The following CLEC16A variants were observed in gnomAD, a reference collection of about 807,000 sequenced individuals.
CLEC16A encodes protein CLEC16A.
In CLEC16A, 51 loss-of-function variants were observed where a neutral mutation model predicts 109.5. The observed-to-expected ratio is 0.47, with a 90% CI of 0.37 to 0.59. The LOEUF (loss-of-function observed/expected upper bound fraction) is 0.59, where lower values mean the gene tolerates loss of function less well. CLEC16A is among the 20% of genes least tolerant of loss of function. The probability of loss-of-function intolerance (pLI) is 0.00; values close to 1 mark genes in which losing one functional copy is unlikely to be tolerated. For synonymous variants in CLEC16A, 673 were observed against 564.2 expected, an observed-to-expected ratio of 1.19 and a Z score of -2.73; for missense variants, 1,339 against 1,394.0, an observed-to-expected ratio of 0.96 and a Z score of 0.63.
At chr16:11,107,827 G>A (rs550455777) in intron 19 of CLEC16A, among the ~76,000 whole-genome samples, 3 of 152,358 alleles carry the variant, frequency 2.0e-5, no homozygotes, top group South Asian at 4.1e-4. Flanking sequence ...TCAGTTTTCA[G>A]TGGATTCTGA....
At chr16:11,042,086 G>T in intron 14 of CLEC16A, 168 bp from the exon 15 acceptor site, 1 of 575,880 alleles carries the variant, frequency 1.7e-6, no homozygotes, top group Non-Finnish European at 3.1e-6. Context: ...AACTGATGGG[G>T]AATGGTTTGG....
intron 19 of CLEC16A, among the ~76,000 whole-genome samples, chr16:11,087,921 C>T (rs1371332464): frequency 6.6e-6 from 1 of 152,232 alleles, no homozygotes; most frequent in Non-Finnish European, 1.5e-5. Flanking sequence ...CAGAGCTCCC[C>T]CGCTGTGCAG....
intron 19 of CLEC16A, among the ~76,000 whole-genome samples, chr16:11,091,674 C>G (rs141989957): frequency 5.9e-5 from 9 of 152,274 alleles, no homozygotes; most frequent in Non-Finnish European, 1.3e-4. Context: ...TAACCTGAGC[C>G]TCAGGTTTCC....
intron 12 of CLEC16A, among the ~76,000 whole-genome samples, chr16:11,023,906 G>A (rs946028997): frequency 5.3e-5 from 8 of 152,234 alleles, no homozygotes; most frequent in African/African-American, 1.7e-4. Flanking sequence ...GGCCAGACCT[G>A]TGCATATTCT....
At chr16:11,124,086 C>T (rs753557273) in intron 21 of CLEC16A, 140 bp downstream of exon 21, 48 of 814,852 alleles carry the variant, frequency 5.9e-5, no homozygotes, top group Middle Eastern at 3.7e-4. Flanking sequence ...TATACGAATA[C>T]GAGGAAGTTC....
At chr16:11,030,519 A>T (rs2046679462) in intron 13 of CLEC16A, among the ~76,000 whole-genome samples, 1 of 152,212 alleles carries the variant, frequency 6.6e-6, no homozygotes, top group African/African-American at 2.4e-5. Context: ...AATGACATTG[A>T]ACATCTTTTC....
chr16:11,176,893 C>G (rs1036748665), intron 23 of CLEC16A, among the ~76,000 whole-genome samples: 3 of 152,232 alleles, frequency 2.0e-5, no homozygotes, highest in Non-Finnish European at 4.4e-5. Context: ...TCTTCCCTTT[C>G]TATATGCTGC....
chr16:11,160,310 C>G (rs1375649906), intron 22 of CLEC16A, among the ~76,000 whole-genome samples: 1 of 152,160 alleles, frequency 6.6e-6, no homozygotes, highest in African/African-American at 2.4e-5. Flanking sequence ...AAGCCCTTCC[C>G]ACCCTTTAGT....
At chr16:11,145,041 A>G (rs1029989616) in intron 22 of CLEC16A, among the ~76,000 whole-genome samples, 1 of 152,094 alleles carries the variant, frequency 6.6e-6, no homozygotes, top group African/African-American at 2.4e-5. Context: ...GGCAGGGGGA[A>G]TGAGCGGGCT....
chr16:11,109,918 G>T (rs1479566410), intron 19 of CLEC16A, among the ~76,000 whole-genome samples: 1 of 152,230 alleles, frequency 6.6e-6, no homozygotes, highest in Non-Finnish European at 1.5e-5. Flanking sequence ...AATTCTGCTG[G>T]CCTGGATATC....
chr16:11,155,787 C>G (rs2054488939), intron 22 of CLEC16A, among the ~76,000 whole-genome samples: 1 of 152,178 alleles, frequency 6.6e-6, no homozygotes, highest in African/African-American at 2.4e-5. Flanking sequence ...AGTTAACTAC[C>G]CCACCCTGCA....
chr16:11,128,479 G>A (rs2052982118), intron 22 of CLEC16A, among the ~76,000 whole-genome samples: 1 of 152,222 alleles, frequency 6.6e-6, no homozygotes, highest in Admixed American at 6.5e-5. Context: ...CAAGTCAGAG[G>A]TGGCTGCTGA....
intron 22 of CLEC16A, among the ~76,000 whole-genome samples, chr16:11,166,043 A>G (rs1255952687): frequency 6.6e-6 from 1 of 152,162 alleles, no homozygotes; most frequent in Non-Finnish European, 1.5e-5. Flanking sequence ...GGCATCTAGC[A>G]TCCCTGGGTG....
intron 3 of CLEC16A, 128 bp from the exon 4 acceptor site, chr16:10,969,033 T>C (rs2042651668): frequency 3.0e-6 from 2 of 667,472 alleles, no homozygotes; most frequent in Non-Finnish European, 4.9e-6. Flanking sequence ...TCTTCCCAGT[T>C]AGTGTGTTTA....
chr16:11,122,325 G>A (rs1036267048), intron 20 of CLEC16A, among the ~76,000 whole-genome samples: 6 of 152,214 alleles, frequency 3.9e-5, no homozygotes, highest in African/African-American at 1.4e-4. Flanking sequence ...AACACTCCAT[G>A]TAAGACATTA....
chr16:11,049,977 G>A (rs1460140386), intron 17 of CLEC16A, among the ~76,000 whole-genome samples: 1 of 152,216 alleles, frequency 6.6e-6, no homozygotes, highest in Non-Finnish European at 1.5e-5. Flanking sequence ...TTGGCCCTCT[G>A]GCCCATTCAC....
rs1016889778 is a variant in CLEC16A at position 11,111,310 on chromosome 16, G to A, written c.2117-9305G>A. ...TCTGCTCCACATGGCATCAGCTGGC[G>A]TGTATAGACTGGGAGCTGGCTGTGG... On this transcript the variant is annotated intron_variant, in intron 19 of 23. Coordinates refer to ENST00000409790, the MANE Select transcript of CLEC16A (RefSeq NM_015226.3). 8.5e-5 allele frequency among the ~76,000 whole-genome samples: 13 copies of A among 152,280 alleles called. No individual in the cohort carries two copies. In the South Asian group the frequency reaches 1.2e-3, roughly 15 times the overall value.
intron 18 of CLEC16A, among the ~76,000 whole-genome samples, chr16:11,053,043 A>C (rs564641935): frequency 6.6e-6 from 1 of 152,008 alleles, no homozygotes; most frequent in African/African-American, 2.4e-5. Context: ...GGCACAAGCT[A>C]CCACACCTAG....
chr16:10,966,161 CTG>C (rs998115800), intron 3 of CLEC16A, among the ~76,000 whole-genome samples: 2 of 152,154 alleles, frequency 1.3e-5, no homozygotes, highest in African/African-American at 2.4e-5. Flanking sequence ...GATAAATAAA[CTG>C]TGGACTATTC....
Sources: allele counts gnomAD v4.1 joint callset (sites outside exome capture counted in the v4.1 genomes callset), GRCh38; gene constraint gnomAD v4.1.1; transcripts MANE v1.5; gene names NCBI Gene and HGNC (gene_info 2026-07-23, HGNC 2026-07-21).